Variants in MYH10 observed in about 807,000 individuals in gnomAD.
MYH10 encodes myosin-10.
Under a neutral mutation model 257.8 loss-of-function variants are expected in MYH10, and 55 were observed. The observed-to-expected ratio is 0.21, with a 90% CI of 0.17 to 0.27. The LOEUF (loss-of-function observed/expected upper bound fraction) is 0.27. Ranked by LOEUF, MYH10 falls within the 10% of genes least tolerant of loss-of-function variation. MYH10 has a pLI of 1.00. For synonymous variants in MYH10, 854 were observed against 921.7 expected (o/e 0.93, Z 1.33); for missense variants, 1,631 against 2,500.6 (o/e 0.65, Z 7.42).
intron 17 of MYH10, among the ~76,000 whole-genome samples, chr17:8,523,719 G>A (rs1010069497): frequency 4.6e-5 from 7 of 152,228 alleles, no homozygotes; most frequent in Non-Finnish European, 1.0e-4. Flanking sequence ...TAGGCGATGA[G>A]GGCAGCTGGA....
In MYH10 at chr17:8,588,494, T is replaced by A. The variant is rs1457370687; in HGVS notation, c.530+587A>T. 2.6e-5 allele frequency among the ~76,000 whole-genome samples: 4 copies of A among 152,240 alleles called. No individual in the cohort carries two copies. In the East Asian group the frequency reaches 7.7e-4, roughly 29 times the overall value. ...ATGCATGTAAATCACCAAGTCTTGG[T>A]AAATCTGCCTCCTAAACTGAACACC... On this transcript the variant is annotated intron_variant, in intron 4 of 42. Coordinates refer to ENST00000360416, the MANE Select transcript of MYH10 (RefSeq NM_001256012.3).
In MYH10 at chr17:8,490,472, G is replaced by A. The variant is rs143979126; in HGVS notation, c.4752C>T (p.Asp1584=). Residue 1584 remains aspartate, a synonymous_variant, in exon 35 of 43, where the codon GAC becomes GAT. Coordinates refer to ENST00000360416, the MANE Select transcript of MYH10 (RefSeq NM_001256012.3). The surrounding 1 kb of genome is among the most constrained non-coding windows in gnomAD (Gnocchi z 4.1). ...EMRTQLEELE[D]ELQATEDAKL... is the part of the protein sequence containing the mutation. ...TGGCATCTTCCGTGGCCTGGAGTTC[G>A]TCTTCCAGCTCCTCCAGCTGGGTCC... is the stretch of plus-strand genomic sequence containing the variant. 1.7e-4 allele frequency: 277 copies of A among 1,614,182 alleles called. No individual in the cohort carries two copies. The African/African-American group carries it at 2.5e-3, about 14-fold the overall frequency.
Position 8,545,110 on chromosome 17 carries a change from A to G in MYH10, c.1431+338T>C, listed in dbSNP as rs1035973634. On this transcript the variant is annotated intron_variant, in intron 13 of 42. Transcript: ENST00000360416. This position sits in a 1 kb window ranked among gnomAD's most constrained non-coding sequence, Gnocchi z 4.7. ...TAGAACATTTGTTAAGTTCTGTCCC[A>G]TACAGGACCACTGGAATTACTCTCA... Among the ~76,000 whole-genome samples the G allele has an allele frequency of 2.0e-5, 3 of 152,202 alleles. No individual in the cohort carries two copies. Among genetic ancestry groups the G allele is most frequent in the Non-Finnish European group, 4.4e-5 (3 of 68,042 alleles).
At chr17:8,601,088 T>C (rs1381153708) in intron 3 of MYH10, among the ~76,000 whole-genome samples, 1 of 152,228 alleles carries the variant, frequency 6.6e-6, no homozygotes, top group Non-Finnish European at 1.5e-5. Flanking sequence ...CATTGTGGCC[T>C]AAAAAAGTGG....
intron 4 of MYH10, among the ~76,000 whole-genome samples, chr17:8,577,540 T>C (rs796437398): frequency 2.0e-5 from 3 of 152,282 alleles, no homozygotes; most frequent in Admixed American, 6.5e-5. Flanking sequence ...AATAATTCTT[T>C]TTTTTCTTTG....
At chr17:8,626,578 AAATAAT>A (rs56176665) in intron 1 of MYH10, among the ~76,000 whole-genome samples, 168 of 140,176 alleles carry the variant, frequency 1.2e-3, no homozygotes, top group Middle Eastern at 7.3e-3. Flanking sequence ...AAATAATAAT[AAATAAT>A]AATAATAATA....
chr17:8,567,679 T>C (rs1004918378), intron 7 of MYH10, among the ~76,000 whole-genome samples: 6 of 152,058 alleles, frequency 3.9e-5, no homozygotes, highest in African/African-American at 1.2e-4. Context: ...CGTGAAGACA[T>C]AGGGAGAATA....
At chr17:8,630,296 C>G (rs2085864506) in intron 1 of MYH10, among the ~76,000 whole-genome samples, 1 of 151,782 alleles carries the variant, frequency 6.6e-6, no homozygotes, top group Non-Finnish European at 1.5e-5. Flanking sequence ...CCTCACGTCC[C>G]CACCCCCAGA....
At chr17:8,539,889 C>T (rs2082246263) in intron 14 of MYH10, among the ~76,000 whole-genome samples, 1 of 152,168 alleles carries the variant, frequency 6.6e-6, no homozygotes, top group African/African-American at 2.4e-5. Flanking sequence ...ACACCTGGTC[C>T]AATAAATTGC....
intron 7 of MYH10, among the ~76,000 whole-genome samples, chr17:8,568,858 T>C (rs1352667574): frequency 6.6e-6 from 1 of 151,814 alleles, no homozygotes; most frequent in African/African-American, 2.4e-5. Flanking sequence ...CATTCTCAGG[T>C]GAACAGGTAC....
chr17:8,506,856 GCTGC>G lies in MYH10; in HGVS notation c.3215-371_3215-368del, dbSNP rs1390892089. The stretch of plus-strand genomic sequence containing the variant: ...AGCAGGTGCTGGGGCAGCAATCGTA[GCTGC>G]CTGTCACCCCATTCCCTTTTCCATG... On this transcript the variant is annotated intron_variant, in intron 26 of 42. Transcript: ENST00000360416. The surrounding 1 kb of genome is among the most constrained non-coding windows in gnomAD (Gnocchi z 5.0). Among the ~76,000 whole-genome samples, 5 of 152,214 alleles carry G rather than the reference GCTGC, an allele frequency of 3.3e-5. No individual in the cohort carries two copies. Among genetic ancestry groups the G allele is most frequent in the African/African-American group, 1.2e-4 (5 of 41,458 alleles).
intron 3 of MYH10, among the ~76,000 whole-genome samples, chr17:8,590,675 T>C (rs190656171): frequency 6.6e-6 from 1 of 152,238 alleles, no homozygotes; most frequent in Non-Finnish European, 1.5e-5. Flanking sequence ...ACAGCCAACA[T>C]TTATAGTACA....
At chr17:8,483,100 G>T (rs572702123) in intron 37 of MYH10, among the ~76,000 whole-genome samples, 1 of 152,082 alleles carries the variant, frequency 6.6e-6, no homozygotes, top group Non-Finnish European at 1.5e-5. Flanking sequence ...AATTTAAACC[G>T]CAAGCTTAAA....
chr17:8,495,317 G>C, intron 30 of MYH10, 76 bp from the exon 31 acceptor site: 1 of 910,516 alleles, frequency 1.1e-6, no homozygotes, highest in Non-Finnish European at 1.8e-6. Flanking sequence ...CTTTTAAACA[G>C]AACACAGAGA....
chr17:8,536,046 T>C, intron 14 of MYH10, 115 bp from the exon 15 acceptor site: 1 of 967,398 alleles, frequency 1.0e-6, no homozygotes, highest in Non-Finnish European at 1.5e-6. Flanking sequence ...GGAAAACAAA[T>C]TGCTAGGATG....
At chr17:8,530,597 A>G in intron 17 of MYH10, 26 bp downstream of exon 17, 1 of 1,294,752 alleles carries the variant, frequency 7.7e-7, no homozygotes, top group Non-Finnish European at 1.0e-6. Context: ...TCTGTTTTGG[A>G]AGACCTACAG....
In MYH10 at chr17:8,513,852, G is replaced by C; in HGVS notation, c.2547C>G (p.Val849=). The C allele has an allele frequency of 6.2e-7, 1 of 1,614,234 alleles. No individual in the cohort carries two copies. The highest frequency in any genetic ancestry group is 1.1e-5 in the South Asian group (1 of 91,092). ...GGTACGCGGCACAGTTCCGCTGCAAGACCTTTAAGGCACTTAGTTGCTGCT... is the reference window on the plus strand; with the variant it reads ...GGTACGCGGCACAGTTCCGCTGCAACACCTTTAAGGCACTTAGTTGCTGCT... ...KKQQQLSALK[V]LQRNCAAYLK... is the part of the protein sequence containing the mutation. Residue 849 remains valine, a synonymous_variant, in exon 22 of 43, where the codon GTC becomes GTG. Transcript: ENST00000360416.
rs2082676424 is a variant in MYH10 at position 8,552,665 on chromosome 17, A to G, written c.821-521T>C. 6.6e-6 allele frequency among the ~76,000 whole-genome samples: 1 copy of G among 152,222 alleles called. No individual in the cohort carries two copies. Among genetic ancestry groups the G allele is most frequent in the South Asian group, 2.1e-4 (1 of 4,834 alleles). On this transcript the variant is annotated intron_variant, in intron 8 of 42. Coordinates refer to ENST00000360416, the MANE Select transcript of MYH10 (RefSeq NM_001256012.3). The surrounding 1 kb of genome is among the most constrained non-coding windows in gnomAD (Gnocchi z 4.8). ...AAAATGCATGATGAGAGTGCCCACA[A>G]TGCTACCCTATTGAAAGCCTCCTAT...
At chr17:8,500,342 G>A (rs1396801093) in intron 29 of MYH10, among the ~76,000 whole-genome samples, 1 of 152,172 alleles carries the variant, frequency 6.6e-6, no homozygotes, top group Non-Finnish European at 1.5e-5. Flanking sequence ...GCCTGTGTCT[G>A]AGATACAGAA....
Sources: allele counts gnomAD v4.1 joint callset (sites outside exome capture counted in the v4.1 genomes callset), GRCh38; gene constraint gnomAD v4.1.1; non-coding constraint Gnocchi (gnomAD v3.1); transcripts MANE v1.5; gene names NCBI Gene and HGNC (gene_info 2026-07-23, HGNC 2026-07-21).